Variants in AP3M1 observed in about 807,000 individuals in gnomAD.
AP3M1 encodes the protein adaptor related protein complex 3 subunit mu 1, also known as AP-3 complex subunit mu-1.
AP3M1 carries 29 observed loss-of-function variants against 42.6 expected under a neutral mutation model. The ratio of observed to expected loss-of-function variants is 0.68; its 90% CI spans 0.51 to 0.93. AP3M1 has a LOEUF of 0.93. AP3M1 is among the 40% of genes least tolerant of loss of function. AP3M1 has a pLI of 0.00. For missense variants in AP3M1, 416 were observed against 510.2 expected (o/e 0.82, Z 1.78); for synonymous variants, 178 against 175.3 (o/e 1.02, Z -0.12).
intron 5 of AP3M1, 80 bp downstream of exon 5, chr10:74,129,826 AT>A (rs1429023674): frequency 4.1e-6 from 4 of 971,174 alleles, no homozygotes; most frequent in Non-Finnish European, 6.6e-6. Flanking sequence ...ATGCAAACTT[AT>A]CTCAATATTT....
At chr10:74,149,642 A>C (rs141579015) in intron 1 of AP3M1, among the ~76,000 whole-genome samples, 800 of 152,206 alleles carry the variant, frequency 5.3e-3, no homozygotes, top group Admixed American at 8.2e-3. Context: ...CACTTCTCCT[A>C]TAGTGTCAAT....
At chr10:74,137,650 C>T (rs1292333106) in intron 2 of AP3M1, among the ~76,000 whole-genome samples, 2 of 152,150 alleles carry the variant, frequency 1.3e-5, no homozygotes, top group African/African-American at 4.8e-5. Flanking sequence ...ATTCTCAAGT[C>T]GCTGACATAA....
At chr10:74,128,191 CTT>C (rs1840676116) in intron 6 of AP3M1, among the ~76,000 whole-genome samples, 1 of 144,886 alleles carries the variant, frequency 6.9e-6, no homozygotes, top group South Asian at 2.2e-4. Flanking sequence ...ACTCAAATAA[CTT>C]TTGGTATTTT....
At chr10:74,129,059 T>C (rs758325165) in intron 6 of AP3M1, 49 bp downstream of exon 6, 7 of 1,600,708 alleles carry the variant, frequency 4.4e-6, no homozygotes, top group African/African-American at 2.7e-5. Context: ...GAAAGGTGAG[T>C]TGTACTTGAT....
At chr10:74,126,103 A>G (rs550491425) in intron 7 of AP3M1, 45 bp downstream of exon 7, 1 of 1,596,458 alleles carries the variant, frequency 6.3e-7, no homozygotes, top group East Asian at 2.2e-5. Flanking sequence ...ATCACAAAAT[A>G]GATTGCAGAA....
At chr10:74,125,728 AAAT>A (rs1278866618) in intron 7 of AP3M1, among the ~76,000 whole-genome samples, 2 of 152,234 alleles carry the variant, frequency 1.3e-5, no homozygotes, top group African/African-American at 2.4e-5. Flanking sequence ...AAAGAGTATG[AAAT>A]AATGCTTTTA....
chr10:74,128,100 TAA>T (rs754897677), intron 6 of AP3M1, among the ~76,000 whole-genome samples: 13 of 68,426 alleles, frequency 1.9e-4, no homozygotes, highest in East Asian at 3.9e-4. Context: ...AACTCCGGCT[TAA>T]AAAAAAAAAA....
intron 3 of AP3M1, among the ~76,000 whole-genome samples, chr10:74,134,516 G>A (rs1056702618): frequency 2.6e-5 from 4 of 152,218 alleles, no homozygotes; most frequent in African/African-American, 9.6e-5. Flanking sequence ...CCAATAAAAT[G>A]TCTCCAGTGA....
intron 6 of AP3M1, 74 bp downstream of exon 6, chr10:74,129,034 T>C (rs1023277844): frequency 6.4e-7 from 1 of 1,570,798 alleles, no homozygotes; most frequent in Non-Finnish European, 8.7e-7. Flanking sequence ...TACTCAACTT[T>C]CAGAAAGAAA....
At chr10:74,144,238 G>A (rs545948385) in intron 1 of AP3M1, among the ~76,000 whole-genome samples, 1 of 152,316 alleles carries the variant, frequency 6.6e-6, no homozygotes, top group East Asian at 1.9e-4. Context: ...TGGGATTACA[G>A]GCGTGAGCCA....
chr10:74,131,437 G>T (rs771045569), intron 4 of AP3M1, among the ~76,000 whole-genome samples: 8 of 152,160 alleles, frequency 5.3e-5, no homozygotes, highest in Non-Finnish European at 8.8e-5. Flanking sequence ...AAAGTGCTGG[G>T]ATTACAGGTG....
intron 1 of AP3M1, among the ~76,000 whole-genome samples, chr10:74,141,261 T>TA (rs559748391): frequency 8.1e-4 from 123 of 151,862 alleles, no homozygotes; most frequent in Non-Finnish European, 1.2e-3. Flanking sequence ...CCCGTCTCTA[T>TA]AAAAAAATTT....
At chr10:74,140,404 G>A (rs1222474912) in intron 1 of AP3M1, among the ~76,000 whole-genome samples, 1 of 152,174 alleles carries the variant, frequency 6.6e-6, no homozygotes, top group Non-Finnish European at 1.5e-5. Flanking sequence ...TTCAAAGCGG[G>A]GTCTTCTGCC....
chr10:74,133,797 G>A (rs183566094), intron 4 of AP3M1, among the ~76,000 whole-genome samples: 1 of 151,758 alleles, frequency 6.6e-6, no homozygotes, highest in Admixed American at 6.6e-5. Flanking sequence ...TGGGATTACA[G>A]GTGCGCGCCA....
intron 8 of AP3M1, 117 bp from the exon 9 acceptor site, chr10:74,124,027 G>T: frequency 1.1e-6 from 1 of 911,816 alleles, no homozygotes; most frequent in Non-Finnish European, 1.7e-6. Flanking sequence ...CCATTTGGAA[G>T]AAATGTCTCT....
rs951443693 is a variant in AP3M1, at chr10:74,133,932, C to A, written c.583+95G>T. The A allele has an allele frequency of 2.0e-6, 3 of 1,489,656 alleles. No individual in the cohort carries two copies. The East Asian group carries it at 7.1e-5, about 35-fold the overall frequency. The allele number at this position is 1,489,656 out of a possible 1,614,324, so 92.3% of individuals were successfully genotyped here. Reference sequence around the variant, plus strand: ...CCTCCCAAAGGGCTGGGATTACAGGCGTGAGCCACCGCGCCCGGCCAGGAC... The same window carrying A: ...CCTCCCAAAGGGCTGGGATTACAGGAGTGAGCCACCGCGCCCGGCCAGGAC... On this transcript the variant is annotated intron_variant, in intron 4 of 8. Coordinates refer to ENST00000355264, the MANE Select transcript of AP3M1 (RefSeq NM_012095.6).
At chr10:74,139,190 T>C (rs186965418) in intron 1 of AP3M1, among the ~76,000 whole-genome samples, 30 of 151,966 alleles carry the variant, frequency 2.0e-4, no homozygotes, top group African/African-American at 7.0e-4. Flanking sequence ...ATCTTATATA[T>C]AGAAAATCCT....
chr10:74,126,423 G>GGTATCCTGAAAACCTCTGTCCAGA, intron 6 of AP3M1, 68 bp from the exon 7 acceptor site: 1 of 1,331,480 alleles, frequency 7.5e-7, no homozygotes, highest in Admixed American at 1.9e-5. Context: ...GAGCTCCAGA[G>GGTATCCTGAAAACCTCTGTCCAGA]GTATCCTGAA....
chr10:74,146,036 TTA>T (rs1841315255), intron 1 of AP3M1, among the ~76,000 whole-genome samples: 1 of 152,118 alleles, frequency 6.6e-6, no homozygotes, highest in African/African-American at 2.4e-5. Context: ...ACAAACAAAA[TTA>T]GAGTTCCTAT....
Sources: allele counts gnomAD v4.1 joint callset (sites outside exome capture counted in the v4.1 genomes callset), GRCh38; gene constraint gnomAD v4.1.1; transcripts MANE v1.5; gene names NCBI Gene and HGNC (gene_info 2026-07-23, HGNC 2026-07-21).